IQSEC3: variants seen among roughly 807,000 people sequenced by gnomAD.
The protein encoded by IQSEC3 is IQ motif and Sec7 domain ArfGEF 3.
In IQSEC3, 50 loss-of-function variants were observed where a neutral mutation model predicts 105.4. The observed-to-expected ratio is 0.47, with a 90% CI of 0.38 to 0.60. The LOEUF is 0.60. IQSEC3 is among the 20% of genes least tolerant of loss of function. IQSEC3 has a pLI of 0.00. For missense variants in IQSEC3, 1,415 were observed against 1,630.0 expected (o/e 0.87, Z 2.27); for synonymous variants, 708 against 746.0 (o/e 0.95, Z 0.83).
intron 7 of IQSEC3, among the ~76,000 whole-genome samples, chr12:159,147 T>C (rs1329904903): frequency 6.6e-6 from 1 of 152,236 alleles, no homozygotes; most frequent in African/African-American, 2.4e-5. Flanking sequence ...CCTTCATCTA[T>C]ACTTTCCTTG....
Position 157,676 on chromosome 12 carries a change from T to A in IQSEC3, c.2425T>A (p.Phe809Ile). The A allele has an allele frequency of 6.2e-7, 1 of 1,613,456 alleles. No individual in the cohort carries two copies. The highest frequency in any genetic ancestry group is 8.5e-7 in the Non-Finnish European group (1 of 1,179,592). Residue 809 changes from phenylalanine to isoleucine, a missense_variant, in exon 7 of 14, where the codon TTC becomes ATC. Phe to Ile is a conservative substitution (Grantham distance 21). This residue lies in a region of IQSEC3 where 213 missense variants were observed against 306.2 expected (regional missense o/e 0.70). Transcript: ENST00000538872. ...KPDRKMMLED[F>I]IRNLRGVDDG... The stretch of plus-strand genomic sequence containing the variant: ...TGACCGGAAGATGATGCTGGAGGAC[T>A]TCATCCGAAACCTTCGAGGTGAGGA...
chr12:75,365 G>A lies in IQSEC3; in HGVS notation c.554+7929G>A, dbSNP rs60565800. On this transcript the variant is annotated intron_variant, in intron 1 of 13. Transcript: ENST00000538872. ...CAGAGAATTGGAATTGCCTTGTTTG[G>A]CTCTGGTAAGGAAAGGGGAGGGACA... Among the ~76,000 whole-genome samples, 1,094 of 151,968 alleles carry A rather than the reference G, an allele frequency of 7.2e-3. No homozygotes were observed. The East Asian group carries it at 0.12, about 17-fold the overall frequency.
In IQSEC3 at chr12:138,634, C is replaced by T; in HGVS notation, c.1271C>T (p.Thr424Ile). ...DDALSTWSLKTMCSLRESGAY... is the reference protein window; with the variant it reads ...DDALSTWSLKIMCSLRESGAY... ...GCGCTCAGCACGTGGAGCCTCAAGA[C>T]CATGTGCTCCCTGCGGGAGAGTGGC... Residue 424 changes from threonine (T) to isoleucine (I), a missense_variant, in exon 4 of 14, where the codon ACC (threonine) becomes ATC (isoleucine). Physicochemically the swap from Thr to Ile is moderately conservative, Grantham distance 89 (BLOSUM62 -1). Coordinates refer to ENST00000538872, the MANE Select transcript of IQSEC3 (RefSeq NM_001170738.2). The surrounding 1 kb of genome is among the most constrained non-coding windows in gnomAD (Gnocchi z 7.1). 6.3e-7 allele frequency: 1 copy of T among 1,583,768 alleles called. No homozygotes were observed. The highest frequency in any genetic ancestry group is 8.5e-7 in the Non-Finnish European group (1 of 1,172,840).
At chr12:105,584 A>G (rs1555077701) in intron 2 of IQSEC3, among the ~76,000 whole-genome samples, 1 of 152,100 alleles carries the variant, frequency 6.6e-6, no homozygotes, top group Admixed American at 6.5e-5. Flanking sequence ...GAACTGTGTG[A>G]CCTGTCACTT....
intron 5 of IQSEC3, chr12:148,760 G>T (rs955650582): frequency 6.6e-6 from 1 of 152,156 alleles, no homozygotes; most frequent in African/African-American, 2.4e-5. Context: ...CGTGGCAATA[G>T]GTGGTTTAGA....
chr12:173,346 G>A (rs1939107600), intron 13 of IQSEC3, among the ~76,000 whole-genome samples: 1 of 152,218 alleles, frequency 6.6e-6, no homozygotes, highest in South Asian at 2.1e-4. Flanking sequence ...TGGGGCTCAT[G>A]AATACTGAGG....
intron 3 of IQSEC3, among the ~76,000 whole-genome samples, chr12:134,619 C>G (rs1054233517): frequency 3.3e-5 from 5 of 152,032 alleles, no homozygotes; most frequent in African/African-American, 9.7e-5. Flanking sequence ...TCTGGCCGGG[C>G]GCAGTGGCCC....
intron 1 of IQSEC3, among the ~76,000 whole-genome samples, chr12:75,255 C>T (rs1343863377): frequency 6.6e-6 from 1 of 152,244 alleles, no homozygotes; most frequent in Admixed American, 6.5e-5. Context: ...TAACTAAAGG[C>T]CAGGGAAGGA....
intron 1 of IQSEC3, among the ~76,000 whole-genome samples, chr12:78,824 G>T (rs1230463355): frequency 6.6e-6 from 1 of 152,120 alleles, no homozygotes; most frequent in African/African-American, 2.4e-5. Flanking sequence ...TGCCTGGCAC[G>T]CAGTGAGGGC....
chr12:161,125 G>C (rs1555096059), intron 7 of IQSEC3, among the ~76,000 whole-genome samples: 1 of 152,166 alleles, frequency 6.6e-6, no homozygotes, highest in African/African-American at 2.4e-5. Flanking sequence ...GGAAGGCGGG[G>C]TGTCCTTTCA....
chr12:74,236 G>A (rs1382067792), intron 1 of IQSEC3, among the ~76,000 whole-genome samples: 89 of 152,390 alleles, frequency 5.8e-4, no homozygotes, highest in African/African-American at 2.1e-3. Context: ...AGGTAGACCT[G>A]TACTTTTCAG....
chr12:70,430 A>G (rs1424924737), intron 1 of IQSEC3, among the ~76,000 whole-genome samples: 1 of 152,278 alleles, frequency 6.6e-6, no homozygotes, highest in Non-Finnish European at 1.5e-5. Context: ...CAGAGATATT[A>G]TGGAAGAAAA....
chr12:177,177 CA>C lies in IQSEC3; in HGVS notation c.*2145del, dbSNP rs1939263727. On this transcript the variant is annotated 3_prime_UTR_variant, in exon 14 of 14. Transcript: ENST00000538872. This position sits in a 1 kb window ranked among gnomAD's most constrained non-coding sequence, Gnocchi z 5.3. ...CACAGCTCTTCAAACTTACCAAGGA[CA>C]GGCAGGACCCCGTCCCCTGCTCACA... is the stretch of plus-strand genomic sequence containing the variant. The C allele has an allele frequency of 6.8e-6, 1 of 148,142 alleles. No homozygotes were observed. The highest frequency in any genetic ancestry group is 2.0e-4 in the East Asian group (1 of 5,056). The allele number at this position is 148,142 out of a possible 1,614,324, so 9.2% of individuals were successfully genotyped here.
At chr12:73,715 G>C (rs1863416626) in intron 1 of IQSEC3, among the ~76,000 whole-genome samples, 1 of 152,216 alleles carries the variant, frequency 6.6e-6, no homozygotes, top group Non-Finnish European at 1.5e-5. Flanking sequence ...CAGGGCCCAA[G>C]AAAGATAAAA....
intron 5 of IQSEC3, among the ~76,000 whole-genome samples, chr12:150,578 G>A (rs1459693185): frequency 3.3e-5 from 5 of 152,184 alleles, no homozygotes; most frequent in African/African-American, 7.2e-5. Flanking sequence ...CCAAGAAGAC[G>A]GTGTTTCCAG....
At chr12:131,968 T>C (rs2136982762) in intron 3 of IQSEC3, among the ~76,000 whole-genome samples, 1 of 152,196 alleles carries the variant, frequency 6.6e-6, no homozygotes, top group Middle Eastern at 3.4e-3. Flanking sequence ...ACATATTTGA[T>C]GCCGTGAATA....
intron 3 of IQSEC3, among the ~76,000 whole-genome samples, chr12:128,978 C>T (rs146299627): frequency 2.1e-3 from 314 of 152,350 alleles, no homozygotes; most frequent in Middle Eastern, 3.4e-3. Flanking sequence ...TCTCAAGCCA[C>T]CCTCACCTCT....
chr12:108,998 G>T (rs1351674115), intron 2 of IQSEC3, among the ~76,000 whole-genome samples: 1 of 152,206 alleles, frequency 6.6e-6, no homozygotes, highest in East Asian at 1.9e-4. Flanking sequence ...CAGCTGCAAG[G>T]GTCGCCCCTT....
At chr12:103,099 C>A (rs1442368608) in intron 2 of IQSEC3, among the ~76,000 whole-genome samples, 1 of 152,134 alleles carries the variant, frequency 6.6e-6, no homozygotes, top group African/African-American at 2.4e-5. Flanking sequence ...CGCCTCCCTG[C>A]TGCCAGCTAA....
Sources: allele counts gnomAD v4.1 joint callset (sites outside exome capture counted in the v4.1 genomes callset), GRCh38; gene constraint gnomAD v4.1.1; regional missense constraint gnomAD v4.1.1; non-coding constraint Gnocchi (gnomAD v3.1); transcripts MANE v1.5; gene names NCBI Gene and HGNC (gene_info 2026-07-23, HGNC 2026-07-21).